CSMD3: variants seen among roughly 807,000 people sequenced by gnomAD.
The protein encoded by CSMD3 is CUB and sushi domain-containing protein 3.
CSMD3 carries 177 observed loss-of-function variants against 435.2 expected under a neutral mutation model. The ratio of observed to expected loss-of-function variants is 0.41; its 90% CI spans 0.36 to 0.46. CSMD3 has a LOEUF of 0.46. Ranked by LOEUF, CSMD3 falls within the 20% of genes least tolerant of loss-of-function variation. The pLI, the probability that CSMD3 is intolerant of heterozygous loss-of-function variation, is 0.34. For missense variants in CSMD3, 4,265 were observed against 4,504.6 expected, an observed-to-expected ratio of 0.95 and a Z score of 1.52; for synonymous variants, 1,656 against 1,520.5, an observed-to-expected ratio of 1.09 and a Z score of -2.07.
At chr8:112,315,707 A>T (rs1374980624) in intron 47 of CSMD3, among the ~76,000 whole-genome samples, 1 of 151,864 alleles carries the variant, frequency 6.6e-6, no homozygotes, top group East Asian at 1.9e-4. Flanking sequence ...TCTTACTGAG[A>T]ACATTTAGGC....
At chr8:112,673,143 A>G (rs1253141170) in intron 16 of CSMD3, among the ~76,000 whole-genome samples, 4 of 152,028 alleles carry the variant, frequency 2.6e-5, no homozygotes, top group Admixed American at 6.6e-5. Flanking sequence ...TTCAAGGACA[A>G]TCAGACAATG....
intron 52 of CSMD3, among the ~76,000 whole-genome samples, chr8:112,303,130 C>T (rs565583703): frequency 6.6e-6 from 1 of 152,014 alleles, no homozygotes; most frequent in Non-Finnish European, 1.5e-5. Context: ...AATTACCTAG[C>T]TCTTTGAAAT....
intron 12 of CSMD3, among the ~76,000 whole-genome samples, chr8:112,814,357 C>T (rs1223860719): frequency 6.6e-6 from 1 of 152,142 alleles, no homozygotes; most frequent in Non-Finnish European, 1.5e-5. Context: ...GGTCTTCTCT[C>T]TTATAATGTT....
chr8:112,811,532 G>C (rs1450416798), intron 12 of CSMD3, among the ~76,000 whole-genome samples: 1 of 152,074 alleles, frequency 6.6e-6, no homozygotes, highest in Non-Finnish European at 1.5e-5. Context: ...TTAAAGCCTA[G>C]GCACTTGGCT....
chr8:112,635,255 C>A (rs550158755), intron 22 of CSMD3, among the ~76,000 whole-genome samples: 1 of 151,976 alleles, frequency 6.6e-6, no homozygotes, highest in East Asian at 1.9e-4. Flanking sequence ...TTCTTTTAAT[C>A]CTCATAACTA....
intron 11 of CSMD3, among the ~76,000 whole-genome samples, chr8:112,840,352 T>C (rs2080144537): frequency 6.6e-6 from 1 of 151,794 alleles, no homozygotes; most frequent in South Asian, 2.1e-4. Flanking sequence ...TTTATTTGTG[T>C]CCTCTCCAAT....
chr8:113,395,329 C>T (rs746285379), intron 1 of CSMD3, among the ~76,000 whole-genome samples: 13 of 151,974 alleles, frequency 8.6e-5, no homozygotes, highest in Non-Finnish European at 1.5e-4. Flanking sequence ...AATCTAAGGC[C>T]GGACGCGGTG....
chr8:112,525,782 G>GTGTATATATATA (rs1175781864), intron 27 of CSMD3, among the ~76,000 whole-genome samples: 2 of 135,320 alleles, frequency 1.5e-5, no homozygotes, highest in Admixed American at 7.6e-5. Flanking sequence ...TTATATGTGT[G>GTGTATATATATA]TGTATATATA....
At chr8:112,879,456 T>C (rs1029778522) in intron 10 of CSMD3, among the ~76,000 whole-genome samples, 1 of 152,178 alleles carries the variant, frequency 6.6e-6, no homozygotes, top group African/African-American at 2.4e-5. Flanking sequence ...GCAATTCTGG[T>C]TTCACCCAGA....
At chr8:112,800,073 T>G (rs1406786377) in intron 13 of CSMD3, 89 bp downstream of exon 13, 1 of 881,930 alleles carries the variant, frequency 1.1e-6, no homozygotes, top group Non-Finnish European at 1.9e-6. Context: ...TGCAAAACTT[T>G]TAATTTTGTA....
intron 5 of CSMD3, among the ~76,000 whole-genome samples, chr8:113,087,996 C>A (rs1194289625): frequency 6.7e-6 from 1 of 149,722 alleles, no homozygotes; most frequent in Non-Finnish European, 1.5e-5. Flanking sequence ...CTACAATGAA[C>A]TCAAACAAAT....
chr8:112,735,955 A>C (rs1474416839), intron 13 of CSMD3, among the ~76,000 whole-genome samples: 2 of 152,028 alleles, frequency 1.3e-5, no homozygotes, highest in African/African-American at 4.8e-5. Flanking sequence ...ATACATCTCA[A>C]GAATCATGTT....
intron 11 of CSMD3, among the ~76,000 whole-genome samples, chr8:112,840,749 A>C (rs2080156602): frequency 6.6e-6 from 1 of 151,658 alleles, no homozygotes. Flanking sequence ...TAGCTATACT[A>C]CTGTTTCCTA....
At chr8:112,306,233 A>G (rs2130789186) in intron 50 of CSMD3, 41 bp from the exon 51 acceptor site, 1 of 1,496,032 alleles carries the variant, frequency 6.7e-7, no homozygotes, top group Non-Finnish European at 9.3e-7. Context: ...ATAAACAGAA[A>G]AATGTTTAAT....
At position 112,247,081 on chromosome 8, in the gene CSMD3, C is replaced by T. The variant is rs753789369; in HGVS notation, c.10161G>A (p.Gly3387=). The change falls in exon 64 of 71, where the codon GGG becomes GGA. Residue 3387 remains glycine, a synonymous_variant. Transcript: ENST00000297405. ...CAGGGAGGCAGGTGCGTGTTGTAGA[C>T]CCTTGGAGAAGGTGTCCTTTTTTGC... is the stretch of plus-strand genomic sequence containing the variant. The part of the protein sequence containing the change: ...FHCKKGHLLQ[G]STTRTCLPDL... 3.7e-6 allele frequency: 6 copies of T among 1,613,812 alleles called. No individual in the cohort carries two copies. The highest frequency in any genetic ancestry group is 4.2e-6 in the Non-Finnish European group (5 of 1,179,870).
At chr8:113,301,920 G>A (rs892882925) in intron 2 of CSMD3, among the ~76,000 whole-genome samples, 2 of 151,612 alleles carry the variant, frequency 1.3e-5, no homozygotes, top group African/African-American at 4.8e-5. Context: ...ATTTTTAAGT[G>A]GACCCTGATA....
At chr8:113,205,631 G>A (rs2092762509) in intron 3 of CSMD3, among the ~76,000 whole-genome samples, 1 of 152,156 alleles carries the variant, frequency 6.6e-6, no homozygotes, top group Non-Finnish European at 1.5e-5. Context: ...TTAACAGAAT[G>A]TGCAGACAGA....
intron 38 of CSMD3, among the ~76,000 whole-genome samples, chr8:112,376,799 T>C (rs1342359381): frequency 6.6e-6 from 1 of 152,186 alleles, no homozygotes; most frequent in East Asian, 1.9e-4. Context: ...TATATTTTAA[T>C]TGTTTGGTAA....
intron 10 of CSMD3, among the ~76,000 whole-genome samples, chr8:112,907,874 A>T (rs1384190784): frequency 2.0e-5 from 3 of 151,474 alleles, no homozygotes; most frequent in Non-Finnish European, 4.4e-5. Context: ...ATGTAAATCA[A>T]ATGTGAGAAG....
Sources: allele counts gnomAD v4.1 joint callset (sites outside exome capture counted in the v4.1 genomes callset), GRCh38; gene constraint gnomAD v4.1.1; transcripts MANE v1.5; gene names NCBI Gene and HGNC (gene_info 2026-07-23, HGNC 2026-07-21).